Variants in CCDC178 observed in about 807,000 individuals in gnomAD.
CCDC178 encodes coiled-coil domain-containing protein 178.
Under a neutral mutation model 117.4 loss-of-function variants are expected in CCDC178, and 126 were observed. The observed-to-expected ratio is 1.07, with a 90% CI of 0.93 to 1.24. CCDC178 has a LOEUF of 1.24. CCDC178 is among the 50% of genes most tolerant of loss of function. CCDC178 has a pLI of 0.00. For missense variants in CCDC178, 1,030 were observed against 986.9 expected (o/e 1.04, Z -0.59); for synonymous variants, 283 against 313.4 (o/e 0.90, Z 1.02).
chr18:33,195,436 A>C (rs1324296365), intron 20 of CCDC178, among the ~76,000 whole-genome samples: 1 of 152,146 alleles, frequency 6.6e-6, no homozygotes, highest in Non-Finnish European at 1.5e-5. Context: ...TCAGCCTTTT[A>C]TATGCACCTG....
intron 18 of CCDC178, 64 bp from the exon 19 acceptor site, chr18:33,215,759 G>A (rs573968133): frequency 9.0e-6 from 11 of 1,228,242 alleles, no homozygotes; most frequent in Non-Finnish European, 1.1e-5. Context: ...CTGCTATTTA[G>A]GAACACAATT....
chr18:32,961,412 C>T (rs1262259998), intron 22 of CCDC178, among the ~76,000 whole-genome samples: 1 of 152,016 alleles, frequency 6.6e-6, no homozygotes, highest in Non-Finnish European at 1.5e-5. Flanking sequence ...ACTCACCAAC[C>T]ATATTGAGCT....
intron 15 of CCDC178, among the ~76,000 whole-genome samples, chr18:33,236,793 A>T (rs1276609321): frequency 6.6e-6 from 1 of 152,140 alleles, no homozygotes; most frequent in Non-Finnish European, 1.5e-5. Flanking sequence ...GAGCAGCACG[A>T]AGGCACCTGG....
intron 11 of CCDC178, among the ~76,000 whole-genome samples, chr18:33,305,181 A>G (rs898637712): frequency 2.0e-5 from 3 of 152,188 alleles, no homozygotes; most frequent in Non-Finnish European, 4.4e-5. Context: ...GCTTTTTTAC[A>G]TGCTCATAGA....
chr18:32,992,991 C>T (rs1421131732), intron 21 of CCDC178, among the ~76,000 whole-genome samples: 2 of 151,996 alleles, frequency 1.3e-5, no homozygotes, highest in East Asian at 3.9e-4. Context: ...CATGGTGAAG[C>T]CCCGTCTCTG....
At chr18:33,085,313 C>T (rs748649912) in intron 21 of CCDC178, among the ~76,000 whole-genome samples, 7 of 152,172 alleles carry the variant, frequency 4.6e-5, no homozygotes, top group South Asian at 2.1e-4. Flanking sequence ...CCTGTAATCC[C>T]GGCACTTTGG....
At chr18:32,981,893 A>G (rs1665829248) in intron 21 of CCDC178, among the ~76,000 whole-genome samples, 1 of 152,196 alleles carries the variant, frequency 6.6e-6, no homozygotes, top group South Asian at 2.1e-4. Context: ...ATTTCATATG[A>G]AATTAAAGAT....
At chr18:32,949,554 A>G (rs2144618594) in intron 22 of CCDC178, among the ~76,000 whole-genome samples, 1 of 152,220 alleles carries the variant, frequency 6.6e-6, no homozygotes, top group African/African-American at 2.4e-5. Context: ...CATCTCAGGC[A>G]TTGTAAGCTT....
chr18:33,193,264 C>CAAAA (rs59092607), intron 20 of CCDC178, among the ~76,000 whole-genome samples: 20 of 77,174 alleles, frequency 2.6e-4, no homozygotes, highest in South Asian at 6.5e-4. Context: ...CTCCGTCTCA[C>CAAAA]AAAAAAAAAA....
intron 11 of CCDC178, among the ~76,000 whole-genome samples, chr18:33,318,311 C>T (rs183617434): frequency 1.3e-5 from 2 of 152,250 alleles, no homozygotes; most frequent in African/African-American, 4.8e-5. Flanking sequence ...AAATGAATAT[C>T]AGGGAGGAGA....
chr18:33,219,139 T>C (rs1231697055), intron 18 of CCDC178, among the ~76,000 whole-genome samples: 1 of 152,126 alleles, frequency 6.6e-6, no homozygotes, highest in East Asian at 1.9e-4. Context: ...AGCAGTGGTT[T>C]GTAGTTCTCC....
chr18:33,344,191 C>CT lies in CCDC178; in HGVS notation c.658+2019dup, dbSNP rs1267755885. On this transcript the variant is annotated intron_variant, in intron 9 of 22. Transcript: ENST00000383096. ...CGGTGGCGGGCGCCTGTAGTCCCAGCTACTCGGGAGGCTGAGGCAGGAGAA... is the reference window on the plus strand; with the variant it reads ...CGGTGGCGGGCGCCTGTAGTCCCAGCTTACTCGGGAGGCTGAGGCAGGAGAA... 1.4e-3 allele frequency among the ~76,000 whole-genome samples: 214 copies of CT among 150,646 alleles called. 2 individuals carry two copies. Among genetic ancestry groups the CT allele is most frequent in the African/African-American group, 5.1e-3 (210 of 41,118 alleles).
chr18:33,403,234 A>G (rs1342399554), intron 3 of CCDC178, among the ~76,000 whole-genome samples: 2 of 152,150 alleles, frequency 1.3e-5, no homozygotes, highest in Non-Finnish European at 1.5e-5. Context: ...ATGCTCAGCA[A>G]AGACAGAGAT....
intron 12 of CCDC178, among the ~76,000 whole-genome samples, chr18:33,292,775 C>A (rs2060184224): frequency 6.6e-6 from 1 of 152,048 alleles, no homozygotes; most frequent in Non-Finnish European, 1.5e-5. Flanking sequence ...AATTGACACA[C>A]AATAATTGTA....
intron 20 of CCDC178, among the ~76,000 whole-genome samples, chr18:33,150,242 T>C (rs2058326015): frequency 6.6e-6 from 1 of 152,122 alleles, no homozygotes; most frequent in African/African-American, 2.4e-5. Context: ...CAACTCAAGA[T>C]GGATCAAAGA....
chr18:33,257,787 T>C (rs1328073955), intron 14 of CCDC178, among the ~76,000 whole-genome samples: 4 of 152,146 alleles, frequency 2.6e-5, no homozygotes, highest in Admixed American at 6.6e-5. Flanking sequence ...AAATTTGTCT[T>C]TGGGATCCTC....
At chr18:33,042,844 G>A (rs1263699895) in intron 21 of CCDC178, among the ~76,000 whole-genome samples, 1 of 151,902 alleles carries the variant, frequency 6.6e-6, no homozygotes, top group Admixed American at 6.6e-5. Flanking sequence ...GTATTAAAAA[G>A]TGAGAAGATA....
At chr18:33,389,035 G>C (rs962570958) in intron 5 of CCDC178, among the ~76,000 whole-genome samples, 1 of 152,054 alleles carries the variant, frequency 6.6e-6, no homozygotes, top group African/African-American at 2.4e-5. Context: ...GCTAATGCAT[G>C]TTGGGCTTAA....
chr18:32,985,996 T>G (rs1029378119), intron 21 of CCDC178, among the ~76,000 whole-genome samples: 1 of 152,074 alleles, frequency 6.6e-6, no homozygotes, highest in Non-Finnish European at 1.5e-5. Context: ...AGAAAGATAT[T>G]TTTGTTTTTG....
Sources: allele counts gnomAD v4.1 joint callset (sites outside exome capture counted in the v4.1 genomes callset), GRCh38; gene constraint gnomAD v4.1.1; transcripts MANE v1.5; gene names NCBI Gene and HGNC (gene_info 2026-07-23, HGNC 2026-07-21).